ARHGAP15: variants seen among roughly 807,000 people sequenced by gnomAD.
The protein encoded by ARHGAP15 is rho GTPase-activating protein 15.
In ARHGAP15, 51 loss-of-function variants were observed where a neutral mutation model predicts 63.7. That is an observed-to-expected ratio of 0.80 (90% CI 0.64 to 1.01). The LOEUF (loss-of-function observed/expected upper bound fraction) is 1.01. ARHGAP15 is among the 50% of genes least tolerant of loss of function. The pLI, the probability that ARHGAP15 is intolerant of heterozygous loss-of-function variation, is 0.00. For synonymous variants in ARHGAP15, 191 were observed against 193.8 expected, an observed-to-expected ratio of 0.99 and a Z score of 0.12; for missense variants, 560 against 564.6, an observed-to-expected ratio of 0.99 and a Z score of 0.08.
intron 12 of ARHGAP15, among the ~76,000 whole-genome samples, chr2:143,632,943 C>G (rs1321807887): frequency 6.6e-6 from 1 of 152,064 alleles, no homozygotes; most frequent in African/African-American, 2.4e-5. Context: ...AAAACGGTTG[C>G]TAAACATGAA....
At chr2:143,271,971 G>A (rs1459211320) in intron 6 of ARHGAP15, among the ~76,000 whole-genome samples, 1 of 152,214 alleles carries the variant, frequency 6.6e-6, no homozygotes, top group Non-Finnish European at 1.5e-5. Context: ...ACAGTTTGTA[G>A]TTCTTTTTTT....
At chr2:143,519,706 G>A (rs944931890) in intron 10 of ARHGAP15, among the ~76,000 whole-genome samples, 3 of 152,132 alleles carry the variant, frequency 2.0e-5, no homozygotes, top group Non-Finnish European at 4.4e-5. Context: ...GCTGGTAGAC[G>A]TTGTGCCAGA....
intron 5 of ARHGAP15, chr2:143,238,197 G>C (rs1028055765): frequency 6.6e-6 from 1 of 151,972 alleles, no homozygotes; most frequent in East Asian, 1.9e-4. Context: ...TGACAAATGG[G>C]GTCTAATTAA....
At chr2:143,213,583 A>G (rs1195623192) in intron 3 of ARHGAP15, among the ~76,000 whole-genome samples, 1 of 152,232 alleles carries the variant, frequency 6.6e-6, no homozygotes, top group Non-Finnish European at 1.5e-5. Flanking sequence ...ATGTGTGCAC[A>G]GTGGTAGGAC....
At chr2:143,362,471 G>T (rs1338609081) in intron 6 of ARHGAP15, among the ~76,000 whole-genome samples, 1 of 152,050 alleles carries the variant, frequency 6.6e-6, no homozygotes, top group Non-Finnish European at 1.5e-5. Context: ...AGATTCCCAG[G>T]GATTGATCTT....
intron 11 of ARHGAP15, among the ~76,000 whole-genome samples, chr2:143,579,877 T>TTATTTC (rs1221108994): frequency 4.6e-5 from 7 of 150,670 alleles, no homozygotes; most frequent in Non-Finnish European, 8.9e-5. Flanking sequence ...TTTTATTTTT[T>TTATTTC]TATTTTTATT....
Position 143,199,571 on chromosome 2 carries a change from G to A in ARHGAP15, c.166-2563G>A, listed in dbSNP as rs1574080947. ...GCCTTGTTCATTGTTTTCCCAGCCA[G>A]GGTGTAAGGAAAGAGAGGACATGGA... On this transcript the variant is annotated intron_variant, in intron 2 of 13. Coordinates refer to ENST00000295095, the MANE Select transcript of ARHGAP15 (RefSeq NM_018460.4). 3.3e-5 allele frequency among the ~76,000 whole-genome samples: 5 copies of A among 152,114 alleles called. 1 individual carries two copies. The highest frequency in any genetic ancestry group is 3.3e-4 in the Admixed American group (5 of 15,268).
chr2:143,664,569 G>T (rs1200664469), intron 12 of ARHGAP15, among the ~76,000 whole-genome samples: 1 of 150,916 alleles, frequency 6.6e-6, no homozygotes, highest in East Asian at 1.9e-4. Context: ...ACTAAAATCA[G>T]AGCAGAACTG....
At chr2:143,555,997 G>A (rs1695779880) in intron 10 of ARHGAP15, among the ~76,000 whole-genome samples, 1 of 152,014 alleles carries the variant, frequency 6.6e-6, no homozygotes, top group African/African-American at 2.4e-5. Context: ...GAGACAGAAA[G>A]GCAGGAAGAC....
rs567855902 is a variant in ARHGAP15 at position 143,765,064 on chromosome 2, CAATT to C, written c.1245-2924_1245-2921del. ...AAAGAACTTTTACCTAATAAGTACTCAATTGATTATTTATCTTATCTATCTCCAT... is the reference window on the plus strand; with the variant it reads ...AAAGAACTTTTACCTAATAAGTACTCGATTATTTATCTTATCTATCTCCAT... On this transcript the variant is annotated intron_variant, in intron 13 of 13. Transcript: ENST00000295095. Among the ~76,000 whole-genome samples, 63 of 151,582 alleles carry C rather than the reference CAATT, an allele frequency of 4.2e-4. 1 individual carries two copies. In the South Asian group the frequency reaches 8.1e-3, roughly 20 times the overall value.
Position 143,255,545 on chromosome 2 carries a change from AAT to A in ARHGAP15, c.474+4948_474+4949del, listed in dbSNP as rs146336626. The stretch of plus-strand genomic sequence containing the variant: ...AACATAATTTGATCTTTCTGATCTG[AAT>A]ATGTCTTATCTTAAAATGTTTAAGT... On this transcript the variant is annotated intron_variant, in intron 6 of 13. Transcript: ENST00000295095. Among the ~76,000 whole-genome samples the A allele has an allele frequency of 4.8e-3, 729 of 152,242 alleles. 5 individuals carry two copies. The highest frequency in any genetic ancestry group is 0.015 in the African/African-American group (623 of 41,568).
At chr2:143,418,586 C>T (rs1025828455) in intron 6 of ARHGAP15, among the ~76,000 whole-genome samples, 1 of 151,896 alleles carries the variant, frequency 6.6e-6, no homozygotes, top group Admixed American at 6.6e-5. Context: ...TTAAAGTTCA[C>T]ATAAAAGATT....
intron 6 of ARHGAP15, among the ~76,000 whole-genome samples, chr2:143,398,406 C>G (rs556532018): frequency 7.2e-5 from 11 of 152,172 alleles, no homozygotes; most frequent in African/African-American, 2.2e-4. Flanking sequence ...GTATTTCCAT[C>G]TGCAGTGTTG....
intron 1 of ARHGAP15, among the ~76,000 whole-genome samples, chr2:143,141,679 C>T (rs573897146): frequency 4.8e-4 from 73 of 152,256 alleles, no homozygotes; most frequent in African/African-American, 1.3e-3. Context: ...GAATGTCTGA[C>T]GATCCTCTTT....
At chr2:143,505,481 TTGAC>T (rs1693268290) in intron 9 of ARHGAP15, among the ~76,000 whole-genome samples, 1 of 152,230 alleles carries the variant, frequency 6.6e-6, no homozygotes, top group African/African-American at 2.4e-5. Context: ...CACACTGTGT[TTGAC>T]TGGAAGCCCA....
chr2:143,129,754 G>C (rs1240967967), intron 1 of ARHGAP15, among the ~76,000 whole-genome samples: 3 of 152,160 alleles, frequency 2.0e-5, no homozygotes, highest in African/African-American at 7.2e-5. Context: ...AGTTTGAAGT[G>C]CATTTAAAAA....
intron 3 of ARHGAP15, among the ~76,000 whole-genome samples, chr2:143,205,159 C>T (rs1692279988): frequency 6.6e-6 from 1 of 151,184 alleles, no homozygotes; most frequent in South Asian, 2.1e-4. Flanking sequence ...TGGTGGCACT[C>T]ATCTGTAGTC....
chr2:143,486,408 CAAAAAA>C (rs35904219), intron 8 of ARHGAP15, among the ~76,000 whole-genome samples: 1 of 133,336 alleles, frequency 7.5e-6, no homozygotes. Context: ...CCATTTCTAC[CAAAAAA>C]AAAAAAAAAA....
At chr2:143,384,754 A>G (rs75004332) in intron 6 of ARHGAP15, among the ~76,000 whole-genome samples, 9,648 of 152,216 alleles carry the variant, frequency 0.063, 471 homozygotes, top group African/African-American at 0.15. Flanking sequence ...TAAACTCACA[A>G]TCAGAGACAT....
Sources: gnomAD v4.1 joint callset for allele counts (sites outside exome capture counted in the v4.1 genomes callset) on GRCh38, gnomAD v4.1.1 for gene constraint, MANE v1.5 for transcripts, NCBI Gene and HGNC (gene_info 2026-07-23, HGNC 2026-07-21) for gene names.